The following MYH14 variants were observed in gnomAD, a reference collection of about 807,000 sequenced individuals.
MYH14 encodes the protein myosin heavy chain 14.
Under a neutral mutation model 255.5 loss-of-function variants are expected in MYH14, and 123 were observed. That is an observed-to-expected ratio of 0.48 (90% CI 0.42 to 0.56). The LOEUF is 0.56. Ranked by LOEUF, MYH14 falls within the 20% of genes least tolerant of loss-of-function variation. The probability of loss-of-function intolerance (pLI) is 0.00; values close to 1 mark genes in which losing one functional copy is unlikely to be tolerated. For missense variants in MYH14, 2,423 were observed against 2,802.3 expected, an observed-to-expected ratio of 0.86 and a Z score of 3.06; for synonymous variants, 1,095 against 1,161.2, an observed-to-expected ratio of 0.94 and a Z score of 1.16.
chr19:50,229,777 G>T (rs1469420152), intron 8 of MYH14, among the ~76,000 whole-genome samples: 2 of 152,188 alleles, frequency 1.3e-5, no homozygotes, highest in Non-Finnish European at 2.9e-5. Context: ...TTATCTGCAT[G>T]GGGAAGCTGA....
Sources: allele counts gnomAD v4.1 joint callset (sites outside exome capture counted in the v4.1 genomes callset), GRCh38; gene constraint gnomAD v4.1.1; transcripts MANE v1.5; gene names NCBI Gene and HGNC (gene_info 2026-07-23, HGNC 2026-07-21).